TRIP12: variants seen among roughly 807,000 people sequenced by gnomAD.
The protein encoded by TRIP12 is E3 ubiquitin-protein ligase TRIP12.
TRIP12 carries 25 observed loss-of-function variants against 244.2 expected under a neutral mutation model. The ratio of observed to expected loss-of-function variants is 0.10; its 90% CI spans 0.07 to 0.14. The LOEUF (loss-of-function observed/expected upper bound fraction) is 0.14. Ranked by LOEUF, TRIP12 falls within the 10% of genes least tolerant of loss-of-function variation. The probability of loss-of-function intolerance (pLI) is 1.00; values close to 1 mark genes in which losing one functional copy is unlikely to be tolerated. For missense variants in TRIP12, 1,677 were observed against 2,486.4 expected (o/e 0.67, Z 6.92); for synonymous variants, 905 against 873.1 (o/e 1.04, Z -0.64).
At chr2:229,884,092 T>C (rs1034534716) in intron 1 of TRIP12, among the ~76,000 whole-genome samples, 5 of 151,400 alleles carry the variant, frequency 3.3e-5, no homozygotes, top group African/African-American at 4.9e-5. Context: ...GCCCAACTAA[T>C]AGTGAGTCCA....
chr2:229,887,484 G>A (rs562894757), intron 1 of TRIP12, among the ~76,000 whole-genome samples: 1 of 152,300 alleles, frequency 6.6e-6, no homozygotes, highest in East Asian at 1.9e-4. Flanking sequence ...AAGACCTACA[G>A]ATAAGGAGGC....
chr2:229,784,558 T>C (rs1225167059), intron 34 of TRIP12, among the ~76,000 whole-genome samples: 1 of 149,486 alleles, frequency 6.7e-6, no homozygotes, highest in East Asian at 1.9e-4. Flanking sequence ...ACTGAAAATT[T>C]CTGCTCTTCC....
intron 12 of TRIP12, 90 bp downstream of exon 12, chr2:229,814,143 C>T: frequency 1.3e-6 from 2 of 1,529,056 alleles, no homozygotes; most frequent in Non-Finnish European, 1.8e-6. Context: ...TTGTATCTTA[C>T]AAAAACTGCA....
intron 1 of TRIP12, among the ~76,000 whole-genome samples, chr2:229,913,580 T>C (rs959194628): frequency 5.9e-5 from 9 of 152,236 alleles, no homozygotes; most frequent in Non-Finnish European, 1.0e-4. Context: ...AAGTAGCTGA[T>C]TTTAATGAGC....
chr2:229,776,308 A>C (rs2036240124), intron 37 of TRIP12, among the ~76,000 whole-genome samples: 1 of 152,174 alleles, frequency 6.6e-6, no homozygotes, highest in Admixed American at 6.5e-5. Flanking sequence ...CTAAGAGATA[A>C]TCCTAAACAA....
intron 41 of TRIP12, among the ~76,000 whole-genome samples, 169 bp downstream of exon 41, chr2:229,768,447 A>G (rs144787167): frequency 1.9e-3 from 287 of 152,362 alleles, no homozygotes; most frequent in Non-Finnish European, 2.1e-3. Context: ...TGTTTAAGAC[A>G]ATCCCCATGG....
At chr2:229,846,135 C>T (rs1301632222) in intron 4 of TRIP12, among the ~76,000 whole-genome samples, 1 of 151,250 alleles carries the variant, frequency 6.6e-6, no homozygotes, top group Admixed American at 6.6e-5. Flanking sequence ...TATACATAAA[C>T]TTAGTGATAA....
At chr2:229,855,603 T>TAA (rs1166000961) in intron 4 of TRIP12, among the ~76,000 whole-genome samples, 152 of 88,620 alleles carry the variant, frequency 1.7e-3, no homozygotes, top group Middle Eastern at 7.0e-3. Context: ...AACAAGGGTT[T>TAA]AAAAAAAAAA....
chr2:229,821,214 T>C (rs2049970575), intron 8 of TRIP12, among the ~76,000 whole-genome samples: 1 of 152,226 alleles, frequency 6.6e-6, no homozygotes, highest in South Asian at 2.1e-4. Flanking sequence ...TGCCACTGCT[T>C]TGATGCTTAA....
At chr2:229,827,722 A>T (rs1286897844) in intron 8 of TRIP12, among the ~76,000 whole-genome samples, 3 of 152,218 alleles carry the variant, frequency 2.0e-5, no homozygotes, top group Non-Finnish European at 2.9e-5. Context: ...ATATAGAAGG[A>T]ATACATTCTA....
At chr2:229,873,809 C>T (rs992048383) in intron 2 of TRIP12, among the ~76,000 whole-genome samples, 3 of 151,876 alleles carry the variant, frequency 2.0e-5, no homozygotes, top group African/African-American at 7.3e-5. Context: ...CTGAGTAATA[C>T]ATAATTATTA....
rs749789967 is a variant in TRIP12, at chr2:229,778,892, A to T, written c.5193T>A (p.Thr1731=). 1.2e-6 allele frequency: 2 copies of T among 1,613,938 alleles called. No homozygotes were observed. The highest frequency in any genetic ancestry group is 2.2e-5 in the South Asian group (2 of 91,086). The change falls in exon 35 of 42, where the codon ACT becomes ACA. Residue 1731 remains threonine (T), a synonymous_variant. Coordinates refer to ENST00000675903, the MANE Select transcript of TRIP12 (RefSeq NM_001348323.3). This position sits in a 1 kb window ranked among gnomAD's most constrained non-coding sequence, Gnocchi z 4.1. ...DLGLWRGEEV[T]LSNPKGSQEG... ...AGGCATTACCTTTTGGATTGCTAAGAGTTACTTCTTCACCTCTCCAAAGAC... is the reference window on the plus strand; with the variant it reads ...AGGCATTACCTTTTGGATTGCTAAGTGTTACTTCTTCACCTCTCCAAAGAC...
At chr2:229,815,072 G>C (rs1322478678) in intron 11 of TRIP12, 27 bp downstream of exon 11, 1 of 1,569,100 alleles carries the variant, frequency 6.4e-7, no homozygotes, top group Non-Finnish European at 8.7e-7. Flanking sequence ...GCCTGCTTTT[G>C]AACAAACGGG....
chr2:229,898,314 T>A (rs1393044946), intron 1 of TRIP12, among the ~76,000 whole-genome samples: 1 of 152,202 alleles, frequency 6.6e-6, no homozygotes, highest in African/African-American at 2.4e-5. Context: ...ATTCAGAGAT[T>A]TCCCCCAATA....
intron 26 of TRIP12, 55 bp downstream of exon 26, chr2:229,795,124 T>G: frequency 6.4e-7 from 1 of 1,567,972 alleles, no homozygotes; most frequent in Non-Finnish European, 8.7e-7. Context: ...CTTACTTCAG[T>G]GAAATTAAGT....
chr2:229,808,268 G>C lies in TRIP12; in HGVS notation c.2323C>G (p.Leu775Val). 1 of 1,612,922 alleles carries C rather than the reference G, an allele frequency of 6.2e-7. No homozygotes were observed. The highest frequency in any genetic ancestry group is 8.5e-7 in the Non-Finnish European group (1 of 1,179,112). ...VPRSPQELYE[L>V]TSLICELMPC... is the part of the protein sequence containing the mutation. The stretch of plus-strand genomic sequence containing the variant: ...AATCTTTACCAAATCAGAGATGTCA[G>C]TTCATACAACTCTTGAGGGCTTCGT... The change falls in exon 16 of 42, where the codon CTG (leucine) becomes GTG (valine). Residue 775 changes from leucine to valine, a missense_variant. Around this residue, in one of 11 missense-constraint regions of TRIP12, gnomAD observed 572 missense variants for 867.8 expected, o/e 0.66. Coordinates refer to ENST00000675903, the MANE Select transcript of TRIP12 (RefSeq NM_001348323.3).
intron 1 of TRIP12, among the ~76,000 whole-genome samples, chr2:229,902,732 A>G (rs895114448): frequency 2.6e-5 from 4 of 152,346 alleles, no homozygotes; most frequent in South Asian, 4.1e-4. Flanking sequence ...TCAGACTGCT[A>G]AAGAATCTAT....
chr2:229,863,768 G>C (rs1360772218), intron 2 of TRIP12, among the ~76,000 whole-genome samples: 2 of 152,124 alleles, frequency 1.3e-5, no homozygotes, highest in African/African-American at 4.8e-5. Context: ...AGTATTCAGA[G>C]GTAAAGGAGC....
At chr2:229,770,186 C>A (rs1290685478) in intron 39 of TRIP12, among the ~76,000 whole-genome samples, 1 of 152,126 alleles carries the variant, frequency 6.6e-6, no homozygotes, top group Non-Finnish European at 1.5e-5. Context: ...CCAGCCTAAT[C>A]TTAAATTTCC....
Sources: gnomAD v4.1 joint callset for allele counts (sites outside exome capture counted in the v4.1 genomes callset) on GRCh38, gnomAD v4.1.1 for gene constraint, gnomAD v4.1.1 regional missense constraint, Gnocchi (gnomAD v3.1) non-coding constraint, MANE v1.5 for transcripts, NCBI Gene and HGNC (gene_info 2026-07-23, HGNC 2026-07-21) for gene names.